ARHGAP15: variants seen among roughly 807,000 people sequenced by gnomAD.
The protein encoded by ARHGAP15 is rho GTPase-activating protein 15.
Under a neutral mutation model 63.7 loss-of-function variants are expected in ARHGAP15, and 51 were observed. That is an observed-to-expected ratio of 0.80 (90% CI 0.64 to 1.01). ARHGAP15 has a LOEUF of 1.01. Among genes scored for constraint, ARHGAP15 ranks in the 50% least tolerant of loss-of-function variants. The pLI is 0.00. For synonymous variants in ARHGAP15, 191 were observed against 193.8 expected (o/e 0.99, Z 0.12); for missense variants, 560 against 564.6 (o/e 0.99, Z 0.08).
intron 6 of ARHGAP15, among the ~76,000 whole-genome samples, chr2:143,353,819 G>T (rs1685683424): frequency 1.3e-5 from 2 of 152,048 alleles, no homozygotes; most frequent in Admixed American, 1.3e-4. Context: ...ATGGATTTTT[G>T]TTTATAAATA....
intron 6 of ARHGAP15, among the ~76,000 whole-genome samples, chr2:143,329,660 T>G (rs892238677): frequency 6.6e-6 from 1 of 152,162 alleles, no homozygotes; most frequent in African/African-American, 2.4e-5. Context: ...GGTGGCAATT[T>G]GTTACACAGC....
chr2:143,433,494 A>G (rs932388624), intron 6 of ARHGAP15, among the ~76,000 whole-genome samples: 2 of 152,098 alleles, frequency 1.3e-5, no homozygotes, highest in Non-Finnish European at 2.9e-5. Flanking sequence ...CTGATTATGT[A>G]TGATTAATGC....
chr2:143,586,626 G>A lies in ARHGAP15; in HGVS notation c.1003+30141G>A, dbSNP rs1300712360. Reference sequence around the variant, plus strand: ...TCTACCCACTGCTTTTCATCTTTTTGAATACTTATAGTTCTTTTTAAATAC... The same window carrying A: ...TCTACCCACTGCTTTTCATCTTTTTAAATACTTATAGTTCTTTTTAAATAC... On this transcript the variant is annotated intron_variant, in intron 11 of 13. Transcript: ENST00000295095. Among the ~76,000 whole-genome samples the A allele has an allele frequency of 2.0e-5, 3 of 151,488 alleles. No individual in the cohort carries two copies. In the East Asian group the frequency reaches 5.8e-4, roughly 29 times the overall value.
intron 10 of ARHGAP15, among the ~76,000 whole-genome samples, chr2:143,529,632 A>G (rs1469198301): frequency 6.6e-6 from 1 of 152,142 alleles, no homozygotes; most frequent in Non-Finnish European, 1.5e-5. Context: ...TGCTCCAGGA[A>G]TACCAAGTAC....
At chr2:143,731,896 C>T (rs1685553154) in intron 13 of ARHGAP15, among the ~76,000 whole-genome samples, 1 of 152,070 alleles carries the variant, frequency 6.6e-6, no homozygotes, top group African/African-American at 2.4e-5. Context: ...ATCTAGCATC[C>T]AGAGAGAAGG....
chr2:143,197,974 A>T lies in ARHGAP15; in HGVS notation c.166-4160A>T, dbSNP rs577955087. 4.4e-5 allele frequency among the ~76,000 whole-genome samples: 5 copies of T among 113,010 alleles called. No individual in the cohort carries two copies. In the East Asian group the frequency reaches 1.2e-3, roughly 28 times the overall value. The allele number at this position is 113,010 out of a possible 152,430, so 74.1% of individuals were successfully genotyped here. A position where few individuals can be genotyped will look rare whatever the true frequency, so the allele number is the denominator to read the frequency against. Reference sequence around the variant, plus strand: ...AAGAATGTAGTGACTGCCTACACACACACACACACACACACACACATACAC... The same window carrying T: ...AAGAATGTAGTGACTGCCTACACACTCACACACACACACACACACATACAC... On this transcript the variant is annotated intron_variant, in intron 2 of 13. Coordinates refer to ENST00000295095, the MANE Select transcript of ARHGAP15 (RefSeq NM_018460.4).
chr2:143,332,942 G>C (rs1684611857), intron 6 of ARHGAP15, among the ~76,000 whole-genome samples: 1 of 145,502 alleles, frequency 6.9e-6, no homozygotes, highest in Non-Finnish European at 1.5e-5. Flanking sequence ...CTGTCATTTA[G>C]TCCTTAAAAC....
At chr2:143,201,141 A>T (rs949673987) in intron 2 of ARHGAP15, among the ~76,000 whole-genome samples, 2 of 150,914 alleles carry the variant, frequency 1.3e-5, no homozygotes, top group African/African-American at 2.4e-5. Flanking sequence ...GTGGGGTCTC[A>T]CTCTGTTGCC....
intron 6 of ARHGAP15, among the ~76,000 whole-genome samples, chr2:143,298,940 AGG>A (rs1682770212): frequency 6.6e-6 from 1 of 151,940 alleles, no homozygotes; most frequent in African/African-American, 2.4e-5. Flanking sequence ...TGACTTGCTC[AGG>A]GTCACGTAAT....
At chr2:143,624,351 A>T (rs1698758250) in intron 12 of ARHGAP15, 84 bp downstream of exon 12, 5 of 1,381,632 alleles carry the variant, frequency 3.6e-6, no homozygotes, top group South Asian at 1.6e-5. Context: ...TGATTATAAT[A>T]ATAATCATGG....
intron 12 of ARHGAP15, among the ~76,000 whole-genome samples, chr2:143,690,165 C>T (rs1462397348): frequency 6.6e-6 from 1 of 152,198 alleles, no homozygotes; most frequent in African/African-American, 2.4e-5. Context: ...ATAGCTCATG[C>T]ACCACTGGCA....
chr2:143,720,802 G>A (rs1685017767), intron 13 of ARHGAP15, among the ~76,000 whole-genome samples: 1 of 152,160 alleles, frequency 6.6e-6, no homozygotes, highest in Non-Finnish European at 1.5e-5. Context: ...GGGCACGGTG[G>A]CTCACGCCTG....
intron 6 of ARHGAP15, among the ~76,000 whole-genome samples, chr2:143,328,963 C>T (rs1391308478): frequency 6.6e-6 from 1 of 152,200 alleles, no homozygotes; most frequent in Non-Finnish European, 1.5e-5. Context: ...ATATACACAC[C>T]TACTGTGGTA....
intron 11 of ARHGAP15, among the ~76,000 whole-genome samples, chr2:143,585,092 C>T (rs10179961): frequency 0.81 from 123,158 of 152,056 alleles, 49,992 homozygotes; most frequent in South Asian, 0.83. Context: ...TTTAGATAAA[C>T]GCAAGATAAA....
intron 6 of ARHGAP15, among the ~76,000 whole-genome samples, chr2:143,380,099 T>C (rs1416065530): frequency 6.6e-6 from 1 of 152,104 alleles, no homozygotes; most frequent in African/African-American, 2.4e-5. Flanking sequence ...AATTGGAGAA[T>C]TGAGTAGGCA....
intron 4 of ARHGAP15, among the ~76,000 whole-genome samples, chr2:143,226,569 C>T (rs144833218): frequency 2.6e-5 from 4 of 152,168 alleles, no homozygotes; most frequent in African/African-American, 9.7e-5. Flanking sequence ...GAAGAGAAGG[C>T]TATTGCTGCT....
chr2:143,669,217 A>G (rs56035453), intron 12 of ARHGAP15, among the ~76,000 whole-genome samples: 6,155 of 152,250 alleles, frequency 0.04, 169 homozygotes, highest in Middle Eastern at 0.071. Flanking sequence ...AGGTATAGAA[A>G]ACTTATTTAC....
chr2:143,361,683 TAAAA>T (rs560359513), intron 6 of ARHGAP15, among the ~76,000 whole-genome samples: 1 of 148,962 alleles, frequency 6.7e-6, no homozygotes, highest in African/African-American at 2.5e-5. Flanking sequence ...CTTTGGGATT[TAAAA>T]AAAAAAATTC....
chr2:143,311,679 A>G (rs1437793429), intron 6 of ARHGAP15, among the ~76,000 whole-genome samples: 1 of 152,128 alleles, frequency 6.6e-6, no homozygotes, highest in Non-Finnish European at 1.5e-5. Flanking sequence ...CTCATTCAGG[A>G]CCCAATTCAG....
Sources: allele counts gnomAD v4.1 joint callset (sites outside exome capture counted in the v4.1 genomes callset), GRCh38; gene constraint gnomAD v4.1.1; transcripts MANE v1.5; gene names NCBI Gene and HGNC (gene_info 2026-07-23, HGNC 2026-07-21).